ACSS3: variants seen among roughly 807,000 people sequenced by gnomAD.
ACSS3 encodes the protein acyl-CoA synthetase short-chain family member 3, mitochondrial.
Under a neutral mutation model 84.2 loss-of-function variants are expected in ACSS3, and 64 were observed. The ratio of observed to expected loss-of-function variants is 0.76; its 90% confidence interval spans 0.62 to 0.94. The LOEUF (loss-of-function observed/expected upper bound fraction) is 0.94. Among genes scored for constraint, ACSS3 ranks in the 40% least tolerant of loss-of-function variants. ACSS3 has a pLI of 0.00. For missense variants in ACSS3, 815 were observed against 867.6 expected (o/e 0.94, Z 0.76); for synonymous variants, 317 against 310.1 (o/e 1.02, Z -0.23).
In ACSS3 at chr12:81,107,369, A is replaced by G. The variant is rs538625416; in HGVS notation, c.312-2191A>G. On this transcript the variant is annotated intron_variant, in intron 1 of 15. Transcript: ENST00000548058. ...CTTTTTTGGGTAAAATATCATGAAC[A>G]TAATTGAATATTGATCACAAAGAAT... 6.9e-4 allele frequency among the ~76,000 whole-genome samples: 105 copies of G among 151,666 alleles called. 2 individuals carry two copies. The South Asian group carries it at 0.021, about 30-fold the overall frequency.
Position 81,093,691 on chromosome 12 carries a change from C to A in ACSS3, c.311+15260C>A, listed in dbSNP as rs1409754494. Among the ~76,000 whole-genome samples the A allele has an allele frequency of 2.0e-5, 3 of 151,892 alleles. No individual in the cohort carries two copies. The East Asian group carries it at 5.8e-4, about 29-fold the overall frequency. ...ATTTGTATCCATAATCCAGCTTCCC[C>A]CAGTAATAACATCTTACATAACTAT... On this transcript the variant is annotated intron_variant, in intron 1 of 15. Transcript: ENST00000548058.
intron 2 of ACSS3, among the ~76,000 whole-genome samples, chr12:81,126,932 A>G (rs1264475043): frequency 1.6e-4 from 25 of 151,996 alleles, no homozygotes; most frequent in Admixed American, 1.6e-3. Context: ...GACCACTATC[A>G]GATAACTATT....
At chr12:81,088,905 C>A (rs1294772188) in intron 1 of ACSS3, among the ~76,000 whole-genome samples, 1 of 151,832 alleles carries the variant, frequency 6.6e-6, no homozygotes, top group Non-Finnish European at 1.5e-5. Context: ...TAAAAAATAG[C>A]TGTTCTTTGA....
chr12:81,177,787 TG>T (rs1333448732), intron 8 of ACSS3, among the ~76,000 whole-genome samples: 5 of 152,134 alleles, frequency 3.3e-5, no homozygotes, highest in African/African-American at 1.2e-4. Flanking sequence ...CCAGTTAGAA[TG>T]GCAATCATTA....
Position 81,078,445 on chromosome 12 carries a change from G to C in ACSS3, c.311+14G>C. The C allele has an allele frequency of 6.2e-7, 1 of 1,611,022 alleles. No homozygotes were observed. The highest frequency in any genetic ancestry group is 2.2e-5 in the East Asian group (1 of 44,850). On this transcript the variant is annotated intron_variant, in intron 1 of 15. Coordinates refer to ENST00000548058, the MANE Select transcript of ACSS3 (RefSeq NM_024560.4). ...CTCTACCAGGTGGTGAGTGACTTCT[G>C]TGCCAACCCTGATCCCCCATCCCTG...
Position 81,172,876 on chromosome 12 carries a change from C to A in ACSS3, c.1099-1912C>A, listed in dbSNP as rs911599592. Among the ~76,000 whole-genome samples the A allele has an allele frequency of 2.6e-5, 4 of 152,108 alleles. No individual in the cohort carries two copies. In the East Asian group the frequency reaches 5.8e-4, roughly 22 times the overall value. ...TATTTTCTCATGACACTGGCACTGTCGTAGAATTCAATTTCAGTTGGCTAT... is the reference window on the plus strand; with the variant it reads ...TATTTTCTCATGACACTGGCACTGTAGTAGAATTCAATTTCAGTTGGCTAT... On this transcript the variant is annotated intron_variant, in intron 7 of 15. Transcript: ENST00000548058.
intron 8 of ACSS3, among the ~76,000 whole-genome samples, chr12:81,180,197 A>G (rs371143920): frequency 6.6e-6 from 1 of 152,158 alleles, no homozygotes; most frequent in African/African-American, 2.4e-5. Flanking sequence ...CATGGACACA[A>G]AGAAGGGAAC....
intron 7 of ACSS3, among the ~76,000 whole-genome samples, chr12:81,167,467 G>C (rs1187669353): frequency 6.6e-6 from 1 of 152,100 alleles, no homozygotes. Flanking sequence ...AATATATTCT[G>C]TTCTATACAG....
chr12:81,218,091 T>C (rs2032985771), intron 10 of ACSS3, among the ~76,000 whole-genome samples: 1 of 152,186 alleles, frequency 6.6e-6, no homozygotes, highest in Admixed American at 6.5e-5. Context: ...AGTAACATTT[T>C]TATATGCTTT....
chr12:81,252,405 G>T (rs2034182339), intron 13 of ACSS3, among the ~76,000 whole-genome samples: 1 of 152,026 alleles, frequency 6.6e-6, no homozygotes, highest in South Asian at 2.1e-4. Flanking sequence ...GAGTCATTTA[G>T]CAAATATTCA....
At chr12:81,084,591 T>TG (rs2121286697) in intron 1 of ACSS3, among the ~76,000 whole-genome samples, 1 of 151,268 alleles carries the variant, frequency 6.6e-6, no homozygotes, top group Non-Finnish European at 1.5e-5. Flanking sequence ...TAGAAGCTTA[T>TG]GAAAGTTGAA....
chr12:81,167,388 C>G (rs2135799884), intron 7 of ACSS3, among the ~76,000 whole-genome samples: 1 of 152,194 alleles, frequency 6.6e-6, no homozygotes, highest in East Asian at 1.9e-4. Flanking sequence ...TTTTATGCTG[C>G]TATAACAATA....
At chr12:81,202,335 T>C (rs938894393) in intron 9 of ACSS3, among the ~76,000 whole-genome samples, 1 of 151,946 alleles carries the variant, frequency 6.6e-6, no homozygotes, top group African/African-American at 2.4e-5. Context: ...TTTCAACCAT[T>C]CTTTCCTAAG....
chr12:81,141,329 A>G (rs898672301), intron 4 of ACSS3, among the ~76,000 whole-genome samples: 1 of 152,170 alleles, frequency 6.6e-6, no homozygotes, highest in Non-Finnish European at 1.5e-5. Context: ...CTTTGAATTT[A>G]GAGAGACACA....
chr12:81,238,100 T>C (rs2135984192), intron 13 of ACSS3, among the ~76,000 whole-genome samples: 1 of 151,900 alleles, frequency 6.6e-6, no homozygotes, highest in East Asian at 1.9e-4. Flanking sequence ...TTTTACTTTT[T>C]CTGCATGTAC....
intron 1 of ACSS3, among the ~76,000 whole-genome samples, chr12:81,083,764 G>A (rs1881143634): frequency 1.3e-5 from 2 of 151,860 alleles, no homozygotes; most frequent in African/African-American, 4.8e-5. Context: ...GACGTCAGGA[G>A]ATCCAGACCA....
intron 5 of ACSS3, among the ~76,000 whole-genome samples, chr12:81,148,131 A>T (rs886387288): frequency 1.3e-5 from 2 of 151,264 alleles, no homozygotes; most frequent in African/African-American, 4.9e-5. Context: ...GTATTTTGGG[A>T]TTTGCCTGTC....
At chr12:81,077,912 C>A (rs1880717090), upstream of ACSS3, 1 of 536,604 alleles carries the variant, frequency 1.9e-6, no homozygotes, top group Admixed American at 3.8e-5. Flanking sequence ...CGCTGTGACA[C>A]CCCTGTCCCG....
intron 9 of ACSS3, among the ~76,000 whole-genome samples, chr12:81,209,730 A>C (rs2032510520): frequency 6.6e-6 from 1 of 152,112 alleles, no homozygotes; most frequent in South Asian, 2.1e-4. Flanking sequence ...GGCTATTTTT[A>C]TGGTTATTTT....
Sources: allele counts gnomAD v4.1 joint callset (sites outside exome capture counted in the v4.1 genomes callset), GRCh38; gene constraint gnomAD v4.1.1; transcripts MANE v1.5; gene names NCBI Gene and HGNC (gene_info 2026-07-23, HGNC 2026-07-21).